Variants in BRINP1 observed in about 807,000 individuals in gnomAD.
BRINP1 encodes BMP/retinoic acid inducible neural specific 1.
A neutral mutation model predicts 72.9 loss-of-function variants in BRINP1; 17 were observed. The ratio of observed to expected loss-of-function variants is 0.23; its 90% CI spans 0.16 to 0.35. BRINP1 has a LOEUF of 0.35. Among genes scored for constraint, BRINP1 ranks in the 10% least tolerant of loss-of-function variants. The pLI is 1.00. For missense variants in BRINP1, 850 were observed against 1,001.6 expected (o/e 0.85, Z 2.04); for synonymous variants, 418 against 378.5 (o/e 1.10, Z -1.21).
chr9:119,352,218 C>T (rs1399720140), intron 1 of BRINP1, among the ~76,000 whole-genome samples: 2 of 152,180 alleles, frequency 1.3e-5, no homozygotes, highest in African/African-American at 2.4e-5. Context: ...CTATCAGTGC[C>T]TTTGGTCAGT....
chr9:119,242,256 C>A, intron 3 of BRINP1, 40 bp from the exon 4 acceptor site: 1 of 1,581,708 alleles, frequency 6.3e-7, no homozygotes, highest in Admixed American at 1.7e-5. Flanking sequence ...GTTTGTGGAG[C>A]TTTCATGTGA....
chr9:119,180,951 G>T (rs1251828045), intron 7 of BRINP1, among the ~76,000 whole-genome samples: 1 of 152,140 alleles, frequency 6.6e-6, no homozygotes, highest in African/African-American at 2.4e-5. Context: ...ATCCAATAGG[G>T]TCTTTAAAAT....
In BRINP1 at chr9:119,262,117, G is replaced by A. The variant is rs1019967169; in HGVS notation, c.219-12967C>T. ...TTGTGGTTATTTTCATTTTACAGATGAAGAAACTTAAGCTCAAAGATTCCG... is the reference window on the plus strand; with the variant it reads ...TTGTGGTTATTTTCATTTTACAGATAAAGAAACTTAAGCTCAAAGATTCCG... On this transcript the variant is annotated intron_variant, in intron 2 of 7. Transcript: ENST00000265922. Among the ~76,000 whole-genome samples, 7 of 152,158 alleles carry A rather than the reference G, an allele frequency of 4.6e-5. 1 individual carries two copies. The highest frequency in any genetic ancestry group is 1.7e-4 in the African/African-American group (7 of 41,436).
chr9:119,217,189 C>A (rs1829987188), intron 5 of BRINP1, among the ~76,000 whole-genome samples: 2 of 152,234 alleles, frequency 1.3e-5, no homozygotes, highest in South Asian at 4.2e-4. Context: ...GCGCCTGAAT[C>A]CTGCCTGCTT....
intron 6 of BRINP1, among the ~76,000 whole-genome samples, chr9:119,213,026 C>T (rs1588166022): frequency 7.2e-6 from 1 of 138,680 alleles, no homozygotes; most frequent in East Asian, 1.9e-4. Context: ...CAACTTGTAC[C>T]ATCTCCTTAA....
At chr9:119,282,978 G>A (rs1802238507) in intron 2 of BRINP1, 2 of 985,148 alleles carry the variant, frequency 2.0e-6, no homozygotes, top group Non-Finnish European at 2.4e-6. Flanking sequence ...CAAAGTTATC[G>A]CCCTCACTGA....
At chr9:119,328,031 T>A (rs373371472) in intron 1 of BRINP1, among the ~76,000 whole-genome samples, 1 of 151,728 alleles carries the variant, frequency 6.6e-6, no homozygotes, top group Non-Finnish European at 1.5e-5. Flanking sequence ...GAGTCAAGAG[T>A]AATGCAAATA....
At chr9:119,332,431 A>G (rs1330710539) in intron 1 of BRINP1, among the ~76,000 whole-genome samples, 2 of 152,102 alleles carry the variant, frequency 1.3e-5, no homozygotes, top group Non-Finnish European at 2.9e-5. Flanking sequence ...ACCCCTCCCT[A>G]TCATTAGGCA....
At chr9:119,353,013 A>C (rs1564255520) in intron 1 of BRINP1, among the ~76,000 whole-genome samples, 1 of 152,224 alleles carries the variant, frequency 6.6e-6, no homozygotes, top group Non-Finnish European at 1.5e-5. Context: ...GCCACTAAAA[A>C]GAAGAGCTCT....
chr9:119,171,446 T>C (rs148469977), intron 7 of BRINP1, among the ~76,000 whole-genome samples: 27 of 149,162 alleles, frequency 1.8e-4, no homozygotes, highest in Non-Finnish European at 3.6e-4. Flanking sequence ...CCTAAATATA[T>C]ATGCACCCAA....
At chr9:119,225,211 G>A (rs1253826259) in intron 5 of BRINP1, among the ~76,000 whole-genome samples, 1 of 151,970 alleles carries the variant, frequency 6.6e-6, no homozygotes, top group Non-Finnish European at 1.5e-5. Context: ...CCATAAAACG[G>A]AATGAAGTAC....
At chr9:119,263,010 G>A (rs910844447) in intron 2 of BRINP1, among the ~76,000 whole-genome samples, 2 of 152,114 alleles carry the variant, frequency 1.3e-5, no homozygotes, top group African/African-American at 4.8e-5. Context: ...TAAATATTTT[G>A]CAAAATAAGT....
chr9:119,225,573 T>C (rs181869637), intron 5 of BRINP1, among the ~76,000 whole-genome samples: 5 of 152,146 alleles, frequency 3.3e-5, no homozygotes, highest in African/African-American at 4.8e-5. Flanking sequence ...TTATTATTAT[T>C]AATTTTTAAA....
chr9:119,250,965 G>T (rs893594193), intron 2 of BRINP1, among the ~76,000 whole-genome samples: 18 of 152,156 alleles, frequency 1.2e-4, no homozygotes, highest in Non-Finnish European at 2.5e-4. Flanking sequence ...CAGAACAGTG[G>T]GGGTATCTGG....
At chr9:119,280,987 G>T (rs898026353) in intron 2 of BRINP1, among the ~76,000 whole-genome samples, 4 of 152,156 alleles carry the variant, frequency 2.6e-5, no homozygotes, top group Non-Finnish European at 4.4e-5. Context: ...TGCCCAATGT[G>T]CCCAGGAAAT....
At chr9:119,266,954 G>A (rs1420386904) in intron 2 of BRINP1, among the ~76,000 whole-genome samples, 1 of 152,228 alleles carries the variant, frequency 6.6e-6, no homozygotes, top group African/African-American at 2.4e-5. Flanking sequence ...CACTCCGGCT[G>A]CTGTGTAGAG....
intron 7 of BRINP1, among the ~76,000 whole-genome samples, chr9:119,172,733 T>C (rs952659877): frequency 2.6e-5 from 4 of 151,996 alleles, no homozygotes; most frequent in Admixed American, 1.3e-4. Flanking sequence ...AAATCCTCAA[T>C]AAAATACTGG....
chr9:119,328,596 A>G lies in BRINP1; in HGVS notation c.-50-15191T>C, dbSNP rs922131707. 5.3e-5 allele frequency among the ~76,000 whole-genome samples: 8 copies of G among 152,272 alleles called. No homozygotes were observed. The East Asian group carries it at 1.2e-3, about 22-fold the overall frequency. On this transcript the variant is annotated intron_variant, in intron 1 of 7. Coordinates refer to ENST00000265922, the MANE Select transcript of BRINP1 (RefSeq NM_014618.3). ...CTGGGATAGGGTGGCCAAACTCTGG[A>G]CCAGACACTTGGTAATTAAATAGAA... is the stretch of plus-strand genomic sequence containing the variant.
chr9:119,213,742 A>C, intron 6 of BRINP1, 177 bp downstream of exon 6: 1 of 666,210 alleles, frequency 1.5e-6, no homozygotes, highest in Non-Finnish European at 2.7e-6. Flanking sequence ...TATTCAGTTG[A>C]GATTTATTGA....
Sources: gnomAD v4.1 joint callset for allele counts (sites outside exome capture counted in the v4.1 genomes callset) on GRCh38, gnomAD v4.1.1 for gene constraint, MANE v1.5 for transcripts, NCBI Gene and HGNC (gene_info 2026-07-23, HGNC 2026-07-21) for gene names.